KIF26B: variants seen among roughly 807,000 people sequenced by gnomAD.
KIF26B encodes kinesin family member 26B, also known as kinesin-like protein KIF26B.
In KIF26B, 63 loss-of-function variants were observed where a neutral mutation model predicts 151.2. The observed-to-expected ratio is 0.42, with a 90% CI of 0.34 to 0.51. The LOEUF (loss-of-function observed/expected upper bound fraction) is 0.51, where lower values mean the gene tolerates loss of function less well. KIF26B is among the 20% of genes least tolerant of loss of function. KIF26B has a pLI of 0.07. For missense variants in KIF26B, 2,813 were observed against 2,913.6 expected, an observed-to-expected ratio of 0.97 and a Z score of 0.79; for synonymous variants, 1,357 against 1,262.1, an observed-to-expected ratio of 1.08 and a Z score of -1.59.
At position 245,367,436 on chromosome 1, in the gene KIF26B, T is replaced by C; in HGVS notation, c.999+69T>C. ...TCAAAGCGGAGAAGTAGGCAGCACT[T>C]CCTTCCGCTGCCTCCTCCCGGGAAC... On this transcript the variant is annotated intron_variant, in intron 3 of 14. Transcript: ENST00000407071. This position sits in a 1 kb window ranked among gnomAD's most constrained non-coding sequence, Gnocchi z 4.2. 1 of 1,343,484 alleles carries C rather than the reference T, an allele frequency of 7.4e-7. No individual in the cohort carries two copies. The highest frequency in any genetic ancestry group is 1.0e-6 in the Non-Finnish European group (1 of 987,656). 83.2% of individuals were successfully genotyped at this position (1,343,484 alleles called of 1,614,324 possible).
intron 9 of KIF26B, among the ~76,000 whole-genome samples, chr1:245,622,923 G>C (rs577238134): frequency 6.6e-6 from 1 of 151,894 alleles, no homozygotes; most frequent in Admixed American, 6.6e-5. Flanking sequence ...CGGCTGCTTC[G>C]TGGAGCTGAT....
At chr1:245,503,973 A>G (rs570540359) in intron 4 of KIF26B, among the ~76,000 whole-genome samples, 10 of 152,216 alleles carry the variant, frequency 6.6e-5, no homozygotes, top group Non-Finnish European at 1.3e-4. Flanking sequence ...TGATGCAGCC[A>G]GCACAAGGGT....
chr1:245,394,401 T>A (rs1673772263), intron 3 of KIF26B, among the ~76,000 whole-genome samples: 1 of 152,130 alleles, frequency 6.6e-6, no homozygotes, highest in South Asian at 2.1e-4. Context: ...GGCAGGCAGA[T>A]CACCTGAGGT....
chr1:245,631,546 T>C (rs2043781832), intron 9 of KIF26B, among the ~76,000 whole-genome samples: 1 of 152,202 alleles, frequency 6.6e-6, no homozygotes. Flanking sequence ...TAGATGATTT[T>C]TGCATCTATG....
At chr1:245,492,000 C>T (rs1660418023) in intron 4 of KIF26B, among the ~76,000 whole-genome samples, 1 of 152,176 alleles carries the variant, frequency 6.6e-6, no homozygotes, top group Non-Finnish European at 1.5e-5. Flanking sequence ...AATTTCTCTT[C>T]ACCTCAGTTT....
intron 2 of KIF26B, among the ~76,000 whole-genome samples, chr1:245,242,236 C>T (rs953865882): frequency 5.3e-5 from 8 of 152,192 alleles, no homozygotes; most frequent in Admixed American, 2.0e-4. Flanking sequence ...ATGCCTTCCC[C>T]CCCCAAAATA....
intron 5 of KIF26B, among the ~76,000 whole-genome samples, chr1:245,549,308 T>G (rs774661845): frequency 7.2e-5 from 11 of 152,200 alleles, no homozygotes; most frequent in Non-Finnish European, 1.3e-4. Context: ...GAGGGAATTC[T>G]CTCTGGAATA....
chr1:245,381,840 TA>T (rs34950268), intron 3 of KIF26B, among the ~76,000 whole-genome samples: 62,983 of 152,060 alleles, frequency 0.41, 14,245 homozygotes, highest in Admixed American at 0.52. Flanking sequence ...CTTCTCTGGT[TA>T]ATGGTCTGTT....
Position 245,548,563 on chromosome 1 carries a change from G to C in KIF26B, c.1350+7613G>C, listed in dbSNP as rs187750105. The stretch of plus-strand genomic sequence containing the variant: ...GAGGAATTTTCTCGAAGACCTTCTT[G>C]TCCTGTCCTCTCATTTTGCATGTAA... On this transcript the variant is annotated intron_variant, in intron 5 of 14. Transcript: ENST00000407071. Among the ~76,000 whole-genome samples the C allele has an allele frequency of 2.0e-5, 3 of 152,286 alleles. No homozygotes were observed. In the East Asian group the frequency reaches 5.8e-4, roughly 29 times the overall value.
At chr1:245,609,976 T>G (rs912946400) in intron 8 of KIF26B, among the ~76,000 whole-genome samples, 1 of 152,172 alleles carries the variant, frequency 6.6e-6, no homozygotes, top group African/African-American at 2.4e-5. Context: ...ACTTTCTAAT[T>G]AGAACCGTGA....
At chr1:245,313,073 C>T (rs1320793220) in intron 2 of KIF26B, among the ~76,000 whole-genome samples, 1 of 152,022 alleles carries the variant, frequency 6.6e-6, no homozygotes, top group Non-Finnish European at 1.5e-5. Context: ...GCAGGAGAAT[C>T]GCTTGAACCT....
intron 9 of KIF26B, among the ~76,000 whole-genome samples, chr1:245,615,355 G>C (rs568406654): frequency 1.9e-4 from 29 of 152,084 alleles, no homozygotes; most frequent in Non-Finnish European, 2.1e-4. Flanking sequence ...CTCTGTTTTC[G>C]GTTTTGTACT....
chr1:245,369,553 T>C (rs1673056237), intron 3 of KIF26B, among the ~76,000 whole-genome samples: 1 of 152,244 alleles, frequency 6.6e-6, no homozygotes, highest in Non-Finnish European at 1.5e-5. Flanking sequence ...TTATTTCCTT[T>C]AACCCCACAG....
At chr1:245,547,113 C>T (rs965020072) in intron 5 of KIF26B, among the ~76,000 whole-genome samples, 2 of 152,258 alleles carry the variant, frequency 1.3e-5, no homozygotes, top group Admixed American at 1.3e-4. Context: ...GGTGGCGCTG[C>T]CAGAAGGGCC....
At chr1:245,517,578 G>A (rs11588538) in intron 4 of KIF26B, among the ~76,000 whole-genome samples, 85,373 of 151,986 alleles carry the variant, frequency 0.56, 24,127 homozygotes, top group Admixed American at 0.59. Flanking sequence ...TTGAGCGCTT[G>A]ATGTATTATA....
intron 9 of KIF26B, among the ~76,000 whole-genome samples, chr1:245,614,197 G>A (rs1463008774): frequency 6.6e-6 from 1 of 151,878 alleles, no homozygotes; most frequent in Admixed American, 6.6e-5. Flanking sequence ...TTGAGATGAA[G>A]TCTCACTCAC....
chr1:245,305,182 G>T (rs1168032026), intron 2 of KIF26B, among the ~76,000 whole-genome samples: 1 of 152,172 alleles, frequency 6.6e-6, no homozygotes, highest in Non-Finnish European at 1.5e-5. Context: ...CAAAGAGTAT[G>T]CTGACAAAAT....
At chr1:245,662,674 GATAC>G (rs1558257680) in intron 10 of KIF26B, among the ~76,000 whole-genome samples, 92 of 98,924 alleles carry the variant, frequency 9.3e-4, no homozygotes, top group African/African-American at 3.1e-3. Flanking sequence ...TATACCCAAT[GATAC>G]ATATATATAC....
At chr1:245,157,119 T>G (rs1293594777) in intron 2 of KIF26B, among the ~76,000 whole-genome samples, 1 of 152,166 alleles carries the variant, frequency 6.6e-6, no homozygotes, top group Admixed American at 6.5e-5. Flanking sequence ...TGCCTGTTTG[T>G]GGTCCATCCT....
Sources: gnomAD v4.1 joint callset for allele counts (sites outside exome capture counted in the v4.1 genomes callset) on GRCh38, gnomAD v4.1.1 for gene constraint, Gnocchi (gnomAD v3.1) non-coding constraint, MANE v1.5 for transcripts, NCBI Gene and HGNC (gene_info 2026-07-23, HGNC 2026-07-21) for gene names.